The following ATP2A3 variants were observed in gnomAD, a reference collection of about 807,000 sequenced individuals.
The protein encoded by ATP2A3 is sarcoplasmic/endoplasmic reticulum calcium ATPase 3.
In ATP2A3, 61 loss-of-function variants were observed where a neutral mutation model predicts 106.8. That is an observed-to-expected ratio of 0.57 (90% CI 0.46 to 0.71). The LOEUF is 0.71. ATP2A3 is among the 30% of genes least tolerant of loss of function. ATP2A3 has a pLI of 0.00. For synonymous variants in ATP2A3, 611 were observed against 609.3 expected (o/e 1.00, Z -0.04); for missense variants, 1,201 against 1,423.5 (o/e 0.84, Z 2.52).
chr17:3,931,158 C>A (rs976834957), intron 17 of ATP2A3, among the ~76,000 whole-genome samples: 1 of 151,724 alleles, frequency 6.6e-6, no homozygotes, highest in African/African-American at 2.4e-5. Flanking sequence ...AAAAAAATTC[C>A]ATTTACACCT....
chr17:3,957,243 A>G (rs942413196), intron 1 of ATP2A3, among the ~76,000 whole-genome samples: 3 of 152,210 alleles, frequency 2.0e-5, no homozygotes, highest in African/African-American at 7.2e-5. Context: ...TACAGAGTAC[A>G]CAACAGAGAG....
Position 3,960,261 on chromosome 17 carries a change from T to C in ATP2A3, c.118+3913A>G, listed in dbSNP as rs181709586. On this transcript the variant is annotated intron_variant, in intron 1 of 20. Coordinates refer to ENST00000397041, the MANE Select transcript of ATP2A3 (RefSeq NM_005173.4). ...GCCTGGTTTCCGTGGGCTACGCATATGGGTTGCCCGAGTTTCAGCACCAGC... is the reference window on the plus strand; with the variant it reads ...GCCTGGTTTCCGTGGGCTACGCATACGGGTTGCCCGAGTTTCAGCACCAGC... Among the ~76,000 whole-genome samples, 8 of 152,328 alleles carry C rather than the reference T, an allele frequency of 5.3e-5. No homozygotes were observed. In the East Asian group the frequency reaches 1.5e-3, roughly 29 times the overall value.
chr17:3,957,347 C>CG (rs1243571227), intron 1 of ATP2A3, among the ~76,000 whole-genome samples: 1 of 152,184 alleles, frequency 6.6e-6, no homozygotes, highest in African/African-American at 2.4e-5. Context: ...TGTGGGCCTC[C>CG]GATGCTAACT....
At chr17:3,946,003 T>G (rs577197177) in intron 8 of ATP2A3, among the ~76,000 whole-genome samples, 5 of 152,204 alleles carry the variant, frequency 3.3e-5, no homozygotes, top group Admixed American at 1.3e-4. Flanking sequence ...ATCCCAGCAC[T>G]TTGGGAGGCC....
chr17:3,936,844 A>G lies in ATP2A3; in HGVS notation c.2322-375T>C, dbSNP rs533933381. 2.8e-6 allele frequency: 1 copy of G among 357,194 alleles called. No individual in the cohort carries two copies. The highest frequency in any genetic ancestry group is 2.4e-5 in the South Asian group (1 of 41,638). The allele number at this position is 357,194 out of a possible 1,614,324, so 22.1% of individuals were successfully genotyped here. On this transcript the variant is annotated intron_variant, in intron 15 of 20. Coordinates refer to ENST00000397041, the MANE Select transcript of ATP2A3 (RefSeq NM_005173.4). The surrounding 1 kb of genome is among the most constrained non-coding windows in gnomAD (Gnocchi z 5.4). Reference sequence around the variant, plus strand: ...CCGGCAAACACAAGCAAACACCTACATATCTGCCCTGAGGTGCAGAGATGC... The same window carrying G: ...CCGGCAAACACAAGCAAACACCTACGTATCTGCCCTGAGGTGCAGAGATGC...
chr17:3,924,915 C>G lies in ATP2A3; in HGVS notation c.*507G>C. 1 of 452,202 alleles carries G rather than the reference C, an allele frequency of 2.2e-6. No individual in the cohort carries two copies. The highest frequency in any genetic ancestry group is 4.4e-6 in the Non-Finnish European group (1 of 224,892). The allele number at this position is 452,202 out of a possible 1,614,324, so 28.0% of individuals were successfully genotyped here. A position where few individuals can be genotyped will look rare whatever the true frequency, so the allele number is the denominator to read the frequency against. ...GTACACAGCTGGGCCCAGATGGCCC[C>G]TTCTGATCCCCCAGGGCTGACCCAG... is the stretch of plus-strand genomic sequence containing the variant. On this transcript the variant is annotated 3_prime_UTR_variant, in exon 21 of 21. Coordinates refer to ENST00000397041, the MANE Select transcript of ATP2A3 (RefSeq NM_005173.4). The surrounding 1 kb of genome is among the most constrained non-coding windows in gnomAD (Gnocchi z 6.4).
At chr17:3,945,847 C>T (rs2144567077) in intron 8 of ATP2A3, among the ~76,000 whole-genome samples, 1 of 152,282 alleles carries the variant, frequency 6.6e-6, no homozygotes, top group Admixed American at 6.5e-5. Flanking sequence ...CATAAGTGTC[C>T]CTTCCTTCCC....
chr17:3,943,955 C>A (rs1016183985), intron 10 of ATP2A3, among the ~76,000 whole-genome samples: 1 of 152,228 alleles, frequency 6.6e-6, no homozygotes, highest in Non-Finnish European at 1.5e-5. Context: ...CGGCGACAGC[C>A]CCAGACAGCA....
intron 1 of ATP2A3, among the ~76,000 whole-genome samples, chr17:3,959,459 C>T (rs2055013890): frequency 6.6e-6 from 1 of 152,190 alleles, no homozygotes; most frequent in African/African-American, 2.4e-5. Context: ...TGGTGCAGGC[C>T]AGGGCCCTGA....
At position 3,930,820 on chromosome 17, in the gene ATP2A3, T is replaced by C. The variant is rs953012599; in HGVS notation, c.2611-386A>G. On this transcript the variant is annotated intron_variant, in intron 17 of 20. Transcript: ENST00000397041. The surrounding 1 kb of genome is among the most constrained non-coding windows in gnomAD (Gnocchi z 5.4). ...GAATTCACCTTTGCGGTATAGAAGA[T>C]GAAGGCTACGCAGGCCCTGTTCACT... 3 of 358,292 alleles carry C rather than the reference T, an allele frequency of 8.4e-6. No homozygotes were observed. The highest frequency in any genetic ancestry group is 2.1e-5 in the African/African-American group (1 of 47,028). 22.2% of individuals were successfully genotyped at this position (358,292 alleles called of 1,614,324 possible).
Position 3,941,616 on chromosome 17 carries a change from GACTGAGCT to G in ATP2A3, c.1576_1583del (p.Ser526ProfsTer78). 1 of 1,611,166 alleles carries G rather than the reference GACTGAGCT, an allele frequency of 6.2e-7. No individual in the cohort carries two copies. Among genetic ancestry groups the G allele is most frequent in the Non-Finnish European group, 8.5e-7 (1 of 1,180,016 alleles). The stretch of plus-strand genomic sequence containing the variant: ...GGGGTGCTGTGCGGCTCCCCACGCG[GACTGAGCT>G]ACAGCGCTCGATCACACTCTCAGGA... On this transcript the variant is annotated frameshift_variant, in exon 13 of 21. Coordinates refer to ENST00000397041, the MANE Select transcript of ATP2A3 (RefSeq NM_005173.4). LOFTEE classifies it high-confidence loss of function.
rs1053644372 is a variant in ATP2A3, at chr17:3,951,361, G to A, written c.353C>T (p.Ala118Val). 2 of 1,613,786 alleles carry A rather than the reference G, an allele frequency of 1.2e-6. No individual in the cohort carries two copies. Among genetic ancestry groups the A allele is most frequent in the Non-Finnish European group, 1.7e-6 (2 of 1,180,020 alleles). ...QERNAESAIE[A>V]LKEYEPEMGK... is the part of the protein sequence containing the mutation. ...CATCTCAGGCTCATACTCCTTCAGGGCCTCGATGGCACTCTCGGCGTTGCG... is the reference window on the plus strand; with the variant it reads ...CATCTCAGGCTCATACTCCTTCAGGACCTCGATGGCACTCTCGGCGTTGCG... Residue 118 changes from alanine (A) to valine (V), a missense_variant, in exon 5 of 21, where the codon GCC becomes GTC. Physicochemically the swap from Ala to Val is moderately conservative, Grantham distance 64. Around this residue, in one of 2 missense-constraint regions of ATP2A3, gnomAD observed 266 missense variants for 246.8 expected, o/e 1.08. Coordinates refer to ENST00000397041, the MANE Select transcript of ATP2A3 (RefSeq NM_005173.4).
chr17:3,946,282 T>C (rs1317206422), intron 8 of ATP2A3, among the ~76,000 whole-genome samples: 3 of 149,096 alleles, frequency 2.0e-5, no homozygotes, highest in Non-Finnish European at 3.0e-5. Flanking sequence ...CCGGGCACGG[T>C]GGCTCAGGGC....
chr17:3,928,303 C>T lies in ATP2A3; in HGVS notation c.2980+360G>A, dbSNP rs750741604. ...CCTACTCCAGGCCTGCGAGACTGTC[C>T]TGAGAAGGCCTGGATAAAGACAGGC... On this transcript the variant is annotated intron_variant, in intron 20 of 20. Coordinates refer to ENST00000397041, the MANE Select transcript of ATP2A3 (RefSeq NM_005173.4). This position sits in a 1 kb window ranked among gnomAD's most constrained non-coding sequence, Gnocchi z 6.1. 8 of 1,613,194 alleles carry T rather than the reference C, an allele frequency of 5.0e-6. No individual in the cohort carries two copies. In the East Asian group the frequency reaches 6.7e-5, roughly 13 times the overall value.
intron 3 of ATP2A3, among the ~76,000 whole-genome samples, chr17:3,952,272 A>G (rs1240786829): frequency 2.0e-5 from 3 of 152,182 alleles, no homozygotes; most frequent in African/African-American, 7.2e-5. Flanking sequence ...TTTAGTAGAG[A>G]CGGGGTTTTA....
chr17:3,933,692 C>T (rs187572811), intron 17 of ATP2A3, among the ~76,000 whole-genome samples: 32 of 151,196 alleles, frequency 2.1e-4, no homozygotes, highest in Admixed American at 5.3e-4. Context: ...GCCAAGATTG[C>T]ACCACTGCAC....
At chr17:3,937,335 A>G in intron 15 of ATP2A3, 81 bp downstream of exon 15, 2 of 1,475,628 alleles carry the variant, frequency 1.4e-6, no homozygotes, top group Admixed American at 1.9e-5. Context: ...CCTGCAGCGC[A>G]TCCGAGGAAC....
rs2144685526 is a variant in ATP2A3, at chr17:3,953,990, C to G, written c.119-280G>C. Among the ~76,000 whole-genome samples the G allele has an allele frequency of 6.6e-6, 1 of 152,172 alleles. No homozygotes were observed. Among genetic ancestry groups the G allele is most frequent in the Admixed American group, 6.5e-5 (1 of 15,288 alleles). The stretch of plus-strand genomic sequence containing the variant: ...AGCCAAGAGGGTCCTTCCAGCCCCT[C>G]CAGTCCAGCCCCTCCCTGCCCCACT... On this transcript the variant is annotated intron_variant, in intron 1 of 20. Transcript: ENST00000397041. This position sits in a 1 kb window ranked among gnomAD's most constrained non-coding sequence, Gnocchi z 5.1.
rs1423859581 is a variant in ATP2A3 at position 3,945,041 on chromosome 17, C to A, written c.1184+19G>T. ...GCCCCCAGGCCGCCCGCCCGCGCGT[C>A]CCCTGGCCCCGCACTCACACTTCGC... On this transcript the variant is annotated intron_variant, in intron 9 of 20. Transcript: ENST00000397041. 5 of 1,508,760 alleles carry A rather than the reference C, an allele frequency of 3.3e-6. No individual in the cohort carries two copies. Among genetic ancestry groups the A allele is most frequent in the African/African-American group, 1.4e-5 (1 of 69,012 alleles). 93.5% of individuals were successfully genotyped at this position (1,508,760 alleles called of 1,614,324 possible).
Sources: allele counts gnomAD v4.1 joint callset (sites outside exome capture counted in the v4.1 genomes callset), GRCh38; gene constraint gnomAD v4.1.1; regional missense constraint gnomAD v4.1.1; non-coding constraint Gnocchi (gnomAD v3.1); transcripts MANE v1.5; gene names NCBI Gene and HGNC (gene_info 2026-07-23, HGNC 2026-07-21).